The following MSRA variants were observed in gnomAD, a reference collection of about 807,000 sequenced individuals.
MSRA encodes the protein mitochondrial peptide methionine sulfoxide reductase.
A neutral mutation model predicts 31.3 loss-of-function variants in MSRA; 54 were observed. The observed-to-expected ratio is 1.73, with a 90% CI of 1.39 to 2.17. The LOEUF (loss-of-function observed/expected upper bound fraction) is 2.17, where lower values mean the gene tolerates loss of function less well. Among genes scored for constraint, MSRA ranks in the 30% most tolerant of loss-of-function variants. The pLI is 0.00. For synonymous variants in MSRA, 169 were observed against 116.5 expected, an observed-to-expected ratio of 1.45 and a Z score of -2.90; for missense variants, 507 against 300.9, an observed-to-expected ratio of 1.69 and a Z score of -5.07.
chr8:10,316,644 A>G (rs1563342625), intron 4 of MSRA, among the ~76,000 whole-genome samples: 1 of 143,120 alleles, frequency 7.0e-6, no homozygotes, highest in Non-Finnish European at 1.5e-5. Context: ...CTGTCCATTC[A>G]TTTATTCAGT....
At chr8:10,085,210 G>A (rs536034881) in intron 1 of MSRA, among the ~76,000 whole-genome samples, 21 of 152,222 alleles carry the variant, frequency 1.4e-4, no homozygotes, top group African/African-American at 5.1e-4. Flanking sequence ...ACTGATGACT[G>A]CCACATCCTG....
intron 5 of MSRA, among the ~76,000 whole-genome samples, chr8:10,365,282 T>C (rs1805097011): frequency 6.6e-6 from 1 of 151,934 alleles, no homozygotes. Context: ...CCTCCGAGCA[T>C]CTGTGGTGGT....
At chr8:10,217,650 C>T (rs924646818) in intron 2 of MSRA, among the ~76,000 whole-genome samples, 1 of 152,168 alleles carries the variant, frequency 6.6e-6, no homozygotes, top group African/African-American at 2.4e-5. Flanking sequence ...CCCACTCCCT[C>T]CCCCTCTTCT....
chr8:10,130,392 G>C (rs1308189125), intron 1 of MSRA, among the ~76,000 whole-genome samples: 1 of 152,328 alleles, frequency 6.6e-6, no homozygotes, highest in Admixed American at 6.5e-5. Context: ...CCCACTGGGG[G>C]ATTCTAGACA....
intron 4 of MSRA, among the ~76,000 whole-genome samples, chr8:10,305,840 G>C (rs985517192): frequency 4.6e-5 from 7 of 152,204 alleles, no homozygotes; most frequent in African/African-American, 1.7e-4. Flanking sequence ...AGTCTGAAGA[G>C]GATGCCACTC....
In MSRA at chr8:10,377,587, T is replaced by C. The variant is rs138002879; in HGVS notation, c.544-50561T>C. Among the ~76,000 whole-genome samples, 86 of 152,314 alleles carry C rather than the reference T, an allele frequency of 5.6e-4. No homozygotes were observed. The Middle Eastern group carries it at 0.017, about 30-fold the overall frequency. ...AAGTGTACTCTGCAATTTCCACTTTTGGTTTTGTCTCTGCCTAGTGAGATG... is the reference window on the plus strand; with the variant it reads ...AAGTGTACTCTGCAATTTCCACTTTCGGTTTTGTCTCTGCCTAGTGAGATG... On this transcript the variant is annotated intron_variant, in intron 5 of 5. Coordinates refer to ENST00000317173, the MANE Select transcript of MSRA (RefSeq NM_012331.5).
At chr8:10,316,914 C>G (rs1279901147) in intron 4 of MSRA, among the ~76,000 whole-genome samples, 1 of 152,134 alleles carries the variant, frequency 6.6e-6, no homozygotes, top group African/African-American at 2.4e-5. Flanking sequence ...GGAGGCCACC[C>G]CGAAGCAGCA....
intron 1 of MSRA, among the ~76,000 whole-genome samples, chr8:10,197,731 A>G (rs1393075277): frequency 1.3e-5 from 2 of 152,156 alleles, no homozygotes; most frequent in African/African-American, 4.8e-5. Flanking sequence ...AAGCTTGCTC[A>G]GAAGCCCTCT....
At chr8:10,324,521 C>T (rs1317492443) in intron 5 of MSRA, among the ~76,000 whole-genome samples, 1 of 152,186 alleles carries the variant, frequency 6.6e-6, no homozygotes, top group Non-Finnish European at 1.5e-5. Context: ...GAGACCACAG[C>T]ATGAGGGTCA....
intron 1 of MSRA, among the ~76,000 whole-genome samples, chr8:10,103,298 T>A (rs1029100513): frequency 2.6e-5 from 4 of 152,214 alleles, no homozygotes; most frequent in African/African-American, 9.6e-5. Flanking sequence ...GTATTCTGTT[T>A]CATTTGTGAA....
At chr8:10,285,264 T>G (rs1234508355) in intron 3 of MSRA, among the ~76,000 whole-genome samples, 1 of 152,212 alleles carries the variant, frequency 6.6e-6, no homozygotes, top group Non-Finnish European at 1.5e-5. Flanking sequence ...GGAGTAGTCT[T>G]GCCTGCATTT....
intron 3 of MSRA, among the ~76,000 whole-genome samples, chr8:10,296,815 G>A (rs1800569558): frequency 6.6e-6 from 1 of 152,152 alleles, no homozygotes. Flanking sequence ...CCCCGCCAAG[G>A]TCATGCACCT....
chr8:10,315,463 T>G (rs755362294), intron 4 of MSRA, among the ~76,000 whole-genome samples: 5 of 152,250 alleles, frequency 3.3e-5, no homozygotes, highest in Admixed American at 2.0e-4. Context: ...TAATCACTAA[T>G]TATAAATAGA....
chr8:10,104,536 T>C (rs1799753375), intron 1 of MSRA, among the ~76,000 whole-genome samples: 1 of 152,182 alleles, frequency 6.6e-6, no homozygotes. Context: ...AAATTTTGAT[T>C]GGCGACTGGT....
At chr8:10,279,468 C>G (rs1585348425) in intron 3 of MSRA, among the ~76,000 whole-genome samples, 2 of 152,172 alleles carry the variant, frequency 1.3e-5, no homozygotes, top group Admixed American at 1.3e-4. Context: ...GCAGCGTTTT[C>G]TGATCCTACA....
At chr8:10,352,343 T>C (rs997960190) in intron 5 of MSRA, among the ~76,000 whole-genome samples, 2 of 152,286 alleles carry the variant, frequency 1.3e-5, no homozygotes, top group African/African-American at 4.8e-5. Context: ...GAGAAATGTT[T>C]TTGCTGGTAT....
chr8:10,119,386 G>T lies in MSRA; in HGVS notation c.142+64728G>T, dbSNP rs1035729655. ...TTGGAGTCACATTCCTTAGCATCTA[G>T]AGGAGGTAACAGAGGACATGTGGAC... On this transcript the variant is annotated intron_variant, in intron 1 of 5. Coordinates refer to ENST00000317173, the MANE Select transcript of MSRA (RefSeq NM_012331.5). Among the ~76,000 whole-genome samples the T allele has an allele frequency of 3.3e-5, 5 of 152,304 alleles. No individual in the cohort carries two copies. The South Asian group carries it at 6.2e-4, about 19-fold the overall frequency.
intron 5 of MSRA, among the ~76,000 whole-genome samples, chr8:10,388,331 C>T (rs1304281535): frequency 6.6e-6 from 1 of 152,102 alleles, no homozygotes; most frequent in African/African-American, 2.4e-5. Flanking sequence ...TTAAGGTCAC[C>T]CCCGTCTTCC....
intron 1 of MSRA, among the ~76,000 whole-genome samples, chr8:10,158,718 C>T (rs914172598): frequency 6.6e-6 from 1 of 152,084 alleles, no homozygotes; most frequent in East Asian, 1.9e-4. Context: ...TTTGTGTAGA[C>T]ACGTTTTCCT....
Sources: gnomAD v4.1 joint callset for allele counts (sites outside exome capture counted in the v4.1 genomes callset) on GRCh38, gnomAD v4.1.1 for gene constraint, MANE v1.5 for transcripts, NCBI Gene and HGNC (gene_info 2026-07-23, HGNC 2026-07-21) for gene names.